BPIFC: variants seen among roughly 807,000 people sequenced by gnomAD.
The protein encoded by BPIFC is BPI fold-containing family C protein.
Under a neutral mutation model 57.6 loss-of-function variants are expected in BPIFC, and 60 were observed. That is an observed-to-expected ratio of 1.04 (90% CI 0.85 to 1.29). The LOEUF (loss-of-function observed/expected upper bound fraction) is 1.29. BPIFC is among the 50% of genes most tolerant of loss of function. BPIFC has a pLI of 0.00. For synonymous variants in BPIFC, 243 were observed against 224.5 expected (o/e 1.08, Z -0.74); for missense variants, 581 against 600.5 (o/e 0.97, Z 0.34).
chr22:32,448,255 A>G (rs1189661867), intron 4 of BPIFC, among the ~76,000 whole-genome samples: 1 of 151,898 alleles, frequency 6.6e-6, no homozygotes, highest in Admixed American at 6.6e-5. Context: ...TTTTTAGTAG[A>G]GACGGGCTTT....
At chr22:32,462,168 C>CAAAAAAAAAAAAA (rs35716277) in intron 1 of BPIFC, among the ~76,000 whole-genome samples, 6 of 53,602 alleles carry the variant, frequency 1.1e-4, no homozygotes, top group Non-Finnish European at 1.6e-4. Context: ...GACTCCATCT[C>CAAAAAAAAAAAAA]AAAAAAAAAA....
intron 4 of BPIFC, among the ~76,000 whole-genome samples, chr22:32,448,252 T>C (rs1264337201): frequency 6.6e-6 from 1 of 152,018 alleles, no homozygotes; most frequent in Admixed American, 6.6e-5. Flanking sequence ...GTATTTTTAG[T>C]AGAGACGGGC....
chr22:32,426,141 A>T (rs909874623), intron 13 of BPIFC, among the ~76,000 whole-genome samples: 2 of 152,222 alleles, frequency 1.3e-5, no homozygotes, highest in African/African-American at 2.4e-5. Flanking sequence ...GAAGAGGCAC[A>T]TTCAGGCAGG....
At position 32,453,439 on chromosome 22, in the gene BPIFC, G is replaced by A. The variant is rs368624020; in HGVS notation, c.189C>T (p.Ser63=). The A allele has an allele frequency of 6.2e-5, 99 of 1,605,322 alleles. No individual in the cohort carries two copies. The highest frequency in any genetic ancestry group is 1.4e-4 in the Admixed American group (8 of 58,312). ...TTAGAAATTCAAGAGACTCAGAACC[G>A]CTTAAATCTGGGAGTTTCTTTTCTT... The part of the protein sequence containing the change: ...MLKEKKLPDL[S]GSESLEFLKV... The change falls in exon 4 of 17, where the codon AGC becomes AGT. Residue 63 remains serine, a synonymous_variant. Coordinates refer to ENST00000300399, the MANE Select transcript of BPIFC (RefSeq NM_174932.3).
intron 15 of BPIFC, 110 bp from the exon 16 acceptor site, chr22:32,416,101 T>TG (rs373789211): frequency 6.2e-4 from 388 of 623,238 alleles, no homozygotes; most frequent in Admixed American, 1.4e-3. Context: ...TTTTTTGAGA[T>TG]GGAGTTTTGC....
Position 32,414,182 on chromosome 22 carries a change from T to C in BPIFC, c.*121A>G, listed in dbSNP as rs1933602559. ...CCTGAAGGCTTAAGAAAGAAAACTTTCTGCCTAAGCAATTCACAAGGGCTT... is the reference window on the plus strand; with the variant it reads ...CCTGAAGGCTTAAGAAAGAAAACTTCCTGCCTAAGCAATTCACAAGGGCTT... On this transcript the variant is annotated 3_prime_UTR_variant, in exon 17 of 17. Transcript: ENST00000300399. 1 of 1,376,428 alleles carries C rather than the reference T, an allele frequency of 7.3e-7. No homozygotes were observed. Among genetic ancestry groups the C allele is most frequent in the Admixed American group, 2.4e-5 (1 of 41,496 alleles). 85.3% of individuals were successfully genotyped at this position (1,376,428 alleles called of 1,614,324 possible).
intron 14 of BPIFC, 28 bp from the exon 15 acceptor site, chr22:32,417,176 T>G (rs1216314059): frequency 1.4e-6 from 2 of 1,449,078 alleles, no homozygotes; most frequent in African/African-American, 1.5e-5. Context: ...ATAGAATCAA[T>G]TGGCAGATCG....
intron 13 of BPIFC, among the ~76,000 whole-genome samples, chr22:32,425,288 A>G (rs1372933795): frequency 6.6e-6 from 1 of 152,166 alleles, no homozygotes; most frequent in African/African-American, 2.4e-5. Flanking sequence ...CGTTCATTTA[A>G]TCTACTGACA....
At chr22:32,432,724 G>C (rs1447809196) in intron 11 of BPIFC, among the ~76,000 whole-genome samples, 181 bp from the exon 12 acceptor site, 1 of 152,144 alleles carries the variant, frequency 6.6e-6, no homozygotes, top group Non-Finnish European at 1.5e-5. Flanking sequence ...GGCAGTTACT[G>C]AACATAATAC....
At chr22:32,417,232 G>T in intron 14 of BPIFC, 84 bp from the exon 15 acceptor site, 1 of 983,190 alleles carries the variant, frequency 1.0e-6, no homozygotes. Context: ...CTGGAGTGCA[G>T]TAGTGTGATC....
At chr22:32,448,715 A>T (rs1256590966) in intron 4 of BPIFC, among the ~76,000 whole-genome samples, 2 of 152,008 alleles carry the variant, frequency 1.3e-5, no homozygotes, top group African/African-American at 4.8e-5. Context: ...CGAGGCGGGC[A>T]GATCACAAGG....
chr22:32,425,076 C>T (rs1162507017), intron 13 of BPIFC, among the ~76,000 whole-genome samples: 2 of 152,130 alleles, frequency 1.3e-5, no homozygotes, highest in Admixed American at 1.3e-4. Flanking sequence ...GCCACCACGC[C>T]TGGCCTTGCC....
chr22:32,424,651 T>C lies in BPIFC; in HGVS notation c.1218-5247A>G, dbSNP rs1402935866. Among the ~76,000 whole-genome samples the C allele has an allele frequency of 0.013, 678 of 53,932 alleles. 116 individuals carry two copies. In the East Asian group the frequency reaches 0.13, roughly 10 times the overall value. The allele number at this position is 53,932 out of a possible 152,430, so 35.4% of individuals were successfully genotyped here. ...TCCTCTTCTTCTTCTTCTCTTCTTC[T>C]TCTTCTTCTTCTTCTTCTTCTTCTT... On this transcript the variant is annotated intron_variant, in intron 13 of 16. Transcript: ENST00000300399.
rs1053950982 is a variant in BPIFC, at chr22:32,454,881, A to G, written c.125-1378T>C. Among the ~76,000 whole-genome samples the G allele has an allele frequency of 6.6e-5, 10 of 152,238 alleles. 1 individual carries two copies. The South Asian group carries it at 2.1e-3, about 32-fold the overall frequency. ...TCTCTTACTTTCTTCATCTATGACA[A>G]TAGTAACCTTGGAGGGGTCTGTTCA... On this transcript the variant is annotated intron_variant, in intron 3 of 16. Coordinates refer to ENST00000300399, the MANE Select transcript of BPIFC (RefSeq NM_174932.3).
intron 9 of BPIFC, among the ~76,000 whole-genome samples, chr22:32,436,394 A>AGGAGGAGGAGGAAGAG (rs1934401252): frequency 1.4e-5 from 2 of 138,378 alleles, no homozygotes; most frequent in Non-Finnish European, 3.1e-5. Context: ...AGGAGGAGGA[A>AGGAGGAGGAGGAAGAG]GAGGAGGAGG....
chr22:32,422,768 GTA>G (rs1226571359), intron 13 of BPIFC, among the ~76,000 whole-genome samples: 2 of 152,016 alleles, frequency 1.3e-5, no homozygotes, highest in African/African-American at 2.4e-5. Context: ...TTGTGTGTGT[GTA>G]TGTGTGTGTG....
chr22:32,446,521 G>GAA (rs1417316577), intron 5 of BPIFC, among the ~76,000 whole-genome samples: 3 of 152,152 alleles, frequency 2.0e-5, no homozygotes, highest in African/African-American at 7.2e-5. Flanking sequence ...ATGAATCTAT[G>GAA]TTGCTGTGGG....
Position 32,445,774 on chromosome 22 carries a change from T to C in BPIFC, c.530+67A>G, listed in dbSNP as rs1280075285. On this transcript the variant is annotated intron_variant, in intron 6 of 16. Coordinates refer to ENST00000300399, the MANE Select transcript of BPIFC (RefSeq NM_174932.3). ...GACCATAATCAGCCATTTGTAAACC[T>C]TCCCTAGGCGATGCCTGAGTATCCA... 1.2e-5 allele frequency: 17 copies of C among 1,476,496 alleles called. No homozygotes were observed. The Admixed American group carries it at 3.5e-4, about 30-fold the overall frequency. The allele number at this position is 1,476,496 out of a possible 1,614,324, so 91.5% of individuals were successfully genotyped here. A position where few individuals can be genotyped will look rare whatever the true frequency, so the allele number is the denominator to read the frequency against.
chr22:32,444,943 C>T (rs1934674845), intron 7 of BPIFC, among the ~76,000 whole-genome samples: 1 of 152,166 alleles, frequency 6.6e-6, no homozygotes, highest in South Asian at 2.1e-4. Context: ...CTTTTGAATA[C>T]ACAAGTGTAT....
Sources: allele counts gnomAD v4.1 joint callset (sites outside exome capture counted in the v4.1 genomes callset), GRCh38; gene constraint gnomAD v4.1.1; transcripts MANE v1.5; gene names NCBI Gene and HGNC (gene_info 2026-07-23, HGNC 2026-07-21).